Variants in C11orf97 observed in about 807,000 individuals in gnomAD.
C11orf97 encodes uncharacterized protein C11orf97.
A neutral mutation model predicts 16.2 loss-of-function variants in C11orf97; 15 were observed. The ratio of observed to expected loss-of-function variants is 0.93; its 90% CI spans 0.62 to 1.43. The LOEUF (loss-of-function observed/expected upper bound fraction) is 1.43. Ranked by LOEUF, C11orf97 falls within the 40% of genes most tolerant of loss-of-function variation. The pLI, the probability that C11orf97 is intolerant of heterozygous loss-of-function variation, is 0.00. For synonymous variants in C11orf97, 61 were observed against 65.7 expected, an observed-to-expected ratio of 0.93 and a Z score of 0.34; for missense variants, 171 against 161.2, an observed-to-expected ratio of 1.06 and a Z score of -0.33.
intron 3 of C11orf97, among the ~76,000 whole-genome samples, chr11:94,531,558 A>C (rs1282584587): frequency 1.4e-5 from 2 of 141,638 alleles, no homozygotes; most frequent in African/African-American, 5.2e-5. Context: ...AGCATTGTCT[A>C]GTCTGGTGCT....
intron 2 of C11orf97, among the ~76,000 whole-genome samples, chr11:94,521,894 G>C (rs1473734853): frequency 6.6e-6 from 1 of 152,144 alleles, no homozygotes; most frequent in Admixed American, 6.5e-5. Flanking sequence ...TCTGCCTCTA[G>C]GTGGCTTGAG....
rs1379973758 is a variant in C11orf97 at position 94,521,815 on chromosome 11, A to G, written c.250+4128A>G. On this transcript the variant is annotated intron_variant, in intron 2 of 3. Transcript: ENST00000542198. ...GATCCAAATTCAGATCTGACCCCCA[A>G]TCCCATTGGCTTTCTACTCACTATG... 2.3e-4 allele frequency among the ~76,000 whole-genome samples: 35 copies of G among 152,054 alleles called. 2 individuals carry two copies. The highest frequency in any genetic ancestry group is 2.2e-3 in the Admixed American group (34 of 15,268).
At position 94,517,633 on chromosome 11, in the gene C11orf97, G is replaced by C. The variant is rs964018125; in HGVS notation, c.196G>C (p.Glu66Gln). The change falls in exon 2 of 4, where the codon GAA becomes CAA. Residue 66 changes from glutamate (E) to glutamine (Q), a missense_variant. Glu to Gln is a conservative substitution (Grantham distance 29). Coordinates refer to ENST00000542198, the MANE Select transcript of C11orf97 (RefSeq NM_001190462.2). ...EPHKRIKEVLEEERHIKRDEC... is the reference protein window; with the variant it reads ...EPHKRIKEVLQEERHIKRDEC... ...ACATAAGAGAATTAAGGAAGTACTG[G>C]AAGAAGAACGTCATATTAAGAGAGA... 7 of 1,532,804 alleles carry C rather than the reference G, an allele frequency of 4.6e-6. No homozygotes were observed. The Middle Eastern group carries it at 5.0e-4, about 110-fold the overall frequency. The allele number at this position is 1,532,804 out of a possible 1,614,324, so 95.0% of individuals were successfully genotyped here.
intron 2 of C11orf97, among the ~76,000 whole-genome samples, chr11:94,519,196 C>T (rs1213758609): frequency 6.6e-6 from 1 of 152,192 alleles, no homozygotes; most frequent in Non-Finnish European, 1.5e-5. Context: ...GCATGAGCCA[C>T]CACGCCCGGC....
Position 94,515,265 on chromosome 11 carries a change from A to G in C11orf97, c.146-2318A>G, listed in dbSNP as rs545759974. Among the ~76,000 whole-genome samples, 8 of 152,248 alleles carry G rather than the reference A, an allele frequency of 5.3e-5. No individual in the cohort carries two copies. In the East Asian group the frequency reaches 1.5e-3, roughly 29 times the overall value. ...TTGTGAGAAAGAGAAATAATAATATATATAAGATGCAATTGTTATTAGCTC... is the reference window on the plus strand; with the variant it reads ...TTGTGAGAAAGAGAAATAATAATATGTATAAGATGCAATTGTTATTAGCTC... On this transcript the variant is annotated intron_variant, in intron 1 of 3. Coordinates refer to ENST00000542198, the MANE Select transcript of C11orf97 (RefSeq NM_001190462.2).
intron 1 of C11orf97, among the ~76,000 whole-genome samples, chr11:94,513,642 A>G (rs947242673): frequency 2.0e-5 from 3 of 152,196 alleles, no homozygotes; most frequent in African/African-American, 7.2e-5. Context: ...TCAAGAAGTT[A>G]CAGAACTACT....
In C11orf97 at chr11:94,528,125, G is replaced by C. The variant is rs1160808700; in HGVS notation, c.292G>C (p.Val98Leu). ...TTGGAGCATTAAAAGGAATCTGCCT[G>C]TGGGAGGCTTGAAGCCAGGACTGCC... ...GIWSIKRNLP[V>L]GGLKPGLPSR... The change falls in exon 3 of 4, where the codon GTG (valine) becomes CTG (leucine). Residue 98 changes from valine to leucine, a missense_variant. Val to Leu is a conservative substitution (Grantham distance 32). Transcript: ENST00000542198. 9 of 1,535,690 alleles carry C rather than the reference G, an allele frequency of 5.9e-6. No individual in the cohort carries two copies. The Admixed American group carries it at 1.2e-4, about 20-fold the overall frequency.
chr11:94,522,090 T>C (rs542052384), intron 2 of C11orf97, among the ~76,000 whole-genome samples: 2 of 152,366 alleles, frequency 1.3e-5, no homozygotes, highest in South Asian at 4.1e-4. Context: ...AGTCTTGTAA[T>C]CTTGTTCCAT....
intron 3 of C11orf97, among the ~76,000 whole-genome samples, chr11:94,531,360 A>G (rs1947737122): frequency 6.6e-6 from 1 of 151,910 alleles, no homozygotes; most frequent in Non-Finnish European, 1.5e-5. Flanking sequence ...AATCGCTTGA[A>G]CCTGGGTGGC....
rs536942956 is a variant in C11orf97, at chr11:94,524,351, T to C, written c.251-3733T>C. 5.3e-5 allele frequency among the ~76,000 whole-genome samples: 8 copies of C among 152,266 alleles called. No individual in the cohort carries two copies. In the South Asian group the frequency reaches 1.7e-3, roughly 32 times the overall value. ...ATTAGCCATTGGGTTCTTCTATCTC[T>C]CTTTAAAACATAAGATTATGCCTTC... On this transcript the variant is annotated intron_variant, in intron 2 of 3. Transcript: ENST00000542198.
chr11:94,512,479 C>T lies in C11orf97; in HGVS notation c.-50C>T, dbSNP rs528727290. ...GCCTCGCATGCTGGGCTGCCTGCGA[C>T]TGAGCTGAGAAGGAAACCGTGCCCA... On this transcript the variant is annotated 5_prime_UTR_variant, in exon 1 of 4. Transcript: ENST00000542198. 4.9e-5 allele frequency: 62 copies of T among 1,261,522 alleles called. No individual in the cohort carries two copies. In the African/African-American group the frequency reaches 8.5e-4, roughly 17 times the overall value. The allele number at this position is 1,261,522 out of a possible 1,614,324, so 78.1% of individuals were successfully genotyped here. A position where few individuals can be genotyped will look rare whatever the true frequency, so the allele number is the denominator to read the frequency against.
chr11:94,518,312 G>A (rs1284803469), intron 2 of C11orf97, among the ~76,000 whole-genome samples: 1 of 152,060 alleles, frequency 6.6e-6, no homozygotes, highest in African/African-American at 2.4e-5. Flanking sequence ...AGTAACAGTG[G>A]TTTCCAAACT....
intron 2 of C11orf97, among the ~76,000 whole-genome samples, chr11:94,525,815 A>G (rs1035409895): frequency 6.6e-6 from 1 of 152,240 alleles, no homozygotes; most frequent in Non-Finnish European, 1.5e-5. Context: ...AAGGAACTAA[A>G]ATATTTTTAA....
At position 94,520,238 on chromosome 11, in the gene C11orf97, A is replaced by G. The variant is rs527793670; in HGVS notation, c.250+2551A>G. Among the ~76,000 whole-genome samples the G allele has an allele frequency of 3.9e-5, 6 of 152,292 alleles. No individual in the cohort carries two copies. The East Asian group carries it at 1.2e-3, about 29-fold the overall frequency. ...CCTCCAACATACTCAACCTCTCTGT[A>G]ACATCTGATGTAGTTGTTTCCTCCT... On this transcript the variant is annotated intron_variant, in intron 2 of 3. Transcript: ENST00000542198.
At chr11:94,516,115 A>G (rs369327356) in intron 1 of C11orf97, among the ~76,000 whole-genome samples, 9 of 152,256 alleles carry the variant, frequency 5.9e-5, no homozygotes, top group African/African-American at 2.2e-4. Flanking sequence ...TAACTTTTTC[A>G]TGTCTGAGGG....
At chr11:94,517,788 A>C in intron 2 of C11orf97, 101 bp downstream of exon 2, 1 of 798,408 alleles carries the variant, frequency 1.3e-6, no homozygotes, top group East Asian at 3.0e-5. Context: ...TGAAATAAAA[A>C]GTTTTTGGAA....
chr11:94,518,937 C>T (rs1947635979), intron 2 of C11orf97, among the ~76,000 whole-genome samples: 1 of 149,948 alleles, frequency 6.7e-6, no homozygotes, highest in African/African-American at 2.5e-5. Context: ...TGGATGGAGT[C>T]TCACTCTGTC....
Position 94,517,646 on chromosome 11 carries a change from A to G in C11orf97, c.209A>G (p.His70Arg). 1 of 1,532,290 alleles carries G rather than the reference A, an allele frequency of 6.5e-7. No homozygotes were observed. Among genetic ancestry groups the G allele is most frequent in the Non-Finnish European group, 8.7e-7 (1 of 1,145,684 alleles). 94.9% of individuals were successfully genotyped at this position (1,532,290 alleles called of 1,614,324 possible). Residue 70 changes from histidine (H) to arginine (R), a missense_variant, in exon 2 of 4, where the codon CAT becomes CGT. By Grantham distance (29) the His-to-Arg change is conservative (BLOSUM62 0). Coordinates refer to ENST00000542198, the MANE Select transcript of C11orf97 (RefSeq NM_001190462.2). ...AAGGAAGTACTGGAAGAAGAACGTCATATTAAGAGAGATGAATGCCACATT... is the reference window on the plus strand; with the variant it reads ...AAGGAAGTACTGGAAGAAGAACGTCGTATTAAGAGAGATGAATGCCACATT... ...RIKEVLEEER[H>R]IKRDECHIKN...
chr11:94,528,033 A>G, intron 2 of C11orf97, 51 bp from the exon 3 acceptor site: 1 of 1,465,274 alleles, frequency 6.8e-7, no homozygotes, highest in Non-Finnish European at 9.0e-7. Context: ...ACTCTGTGCT[A>G]AAAAGAGAAT....
Sources: allele counts gnomAD v4.1 joint callset (sites outside exome capture counted in the v4.1 genomes callset), GRCh38; gene constraint gnomAD v4.1.1; transcripts MANE v1.5; gene names NCBI Gene and HGNC (gene_info 2026-07-23, HGNC 2026-07-21).